KCTD8: variants seen among roughly 807,000 people sequenced by gnomAD.
KCTD8 encodes the protein BTB/POZ domain-containing protein KCTD8.
In KCTD8, 27 loss-of-function variants were observed where a neutral mutation model predicts 31.5. That is an observed-to-expected ratio of 0.86 (90% confidence interval 0.63 to 1.18). The LOEUF (loss-of-function observed/expected upper bound fraction) is 1.18. KCTD8 is among the 50% of genes most tolerant of loss of function. KCTD8 has a pLI of 0.00. For missense variants in KCTD8, 658 were observed against 647.7 expected (o/e 1.02, Z -0.17); for synonymous variants, 290 against 280.0 (o/e 1.04, Z -0.36).
intron 1 of KCTD8, among the ~76,000 whole-genome samples, chr4:44,306,503 C>T (rs1717810065): frequency 6.6e-6 from 1 of 151,824 alleles, no homozygotes; most frequent in South Asian, 2.1e-4. Context: ...ATTCTAGTCT[C>T]CTTAGTTCAT....
intron 1 of KCTD8, among the ~76,000 whole-genome samples, chr4:44,428,851 T>G (rs935318936): frequency 4.0e-5 from 6 of 151,786 alleles, no homozygotes; most frequent in Admixed American, 4.0e-4. Flanking sequence ...GATTAAAAAT[T>G]TTGGGCTTAA....
chr4:44,182,107 G>A (rs543837205), intron 1 of KCTD8, among the ~76,000 whole-genome samples: 70 of 151,234 alleles, frequency 4.6e-4, no homozygotes, highest in South Asian at 3.5e-3. Context: ...CAGCCGCCCC[G>A]TCCGGGAGGA....
At chr4:44,251,032 A>G (rs1332314710) in intron 1 of KCTD8, among the ~76,000 whole-genome samples, 3 of 151,582 alleles carry the variant, frequency 2.0e-5, no homozygotes, top group Non-Finnish European at 4.4e-5. Context: ...TCTTCTTTAC[A>G]TTTATTTCAG....
intron 1 of KCTD8, among the ~76,000 whole-genome samples, chr4:44,209,407 TTTC>T (rs1217044094): frequency 6.6e-6 from 1 of 152,118 alleles, no homozygotes; most frequent in Non-Finnish European, 1.5e-5. Flanking sequence ...AAAGGTCTCC[TTTC>T]TTCTTCTATT....
chr4:44,246,140 A>G (rs1715658659), intron 1 of KCTD8, among the ~76,000 whole-genome samples: 2 of 152,036 alleles, frequency 1.3e-5, no homozygotes, highest in African/African-American at 4.8e-5. Flanking sequence ...AAATCCTTCT[A>G]ATCTATCCTA....
At chr4:44,379,645 T>C (rs1720009293) in intron 1 of KCTD8, among the ~76,000 whole-genome samples, 1 of 152,100 alleles carries the variant, frequency 6.6e-6, no homozygotes, top group South Asian at 2.1e-4. Flanking sequence ...TACTTACAGT[T>C]TACTGTAAAA....
intron 1 of KCTD8, among the ~76,000 whole-genome samples, chr4:44,240,514 T>G (rs1417484258): frequency 2.0e-5 from 3 of 152,172 alleles, no homozygotes. Context: ...GTTTATTTAT[T>G]TATTAGGGAC....
At chr4:44,200,737 G>C (rs570981632) in intron 1 of KCTD8, among the ~76,000 whole-genome samples, 1 of 151,908 alleles carries the variant, frequency 6.6e-6, no homozygotes, top group East Asian at 1.9e-4. Flanking sequence ...TTGCCCTTGA[G>C]ACCTAGAATA....
intron 1 of KCTD8, among the ~76,000 whole-genome samples, chr4:44,197,508 T>A (rs1291431541): frequency 6.6e-6 from 1 of 152,196 alleles, no homozygotes; most frequent in Non-Finnish European, 1.5e-5. Context: ...CTGGCCATCA[T>A]GCTTAAGCAA....
chr4:44,402,003 CTTAA>C (rs1403210325), intron 1 of KCTD8, among the ~76,000 whole-genome samples: 6 of 152,110 alleles, frequency 3.9e-5, no homozygotes, highest in African/African-American at 7.2e-5. Flanking sequence ...TAATAATCTC[CTTAA>C]TTAATTCAAG....
intron 1 of KCTD8, among the ~76,000 whole-genome samples, chr4:44,272,202 A>C (rs1171771313): frequency 1.3e-5 from 2 of 151,046 alleles, no homozygotes; most frequent in Non-Finnish European, 2.9e-5. Flanking sequence ...CAATTTAATA[A>C]GTTTCCATTC....
intron 1 of KCTD8, among the ~76,000 whole-genome samples, chr4:44,234,901 G>C (rs368315458): frequency 6.6e-6 from 1 of 152,238 alleles, no homozygotes; most frequent in Non-Finnish European, 1.5e-5. Context: ...AGGCTCATTT[G>C]TTTCTAATTG....
intron 1 of KCTD8, among the ~76,000 whole-genome samples, chr4:44,379,367 G>A (rs1031082477): frequency 1.3e-5 from 2 of 152,234 alleles, no homozygotes; most frequent in Middle Eastern, 3.4e-3. Context: ...CTAACCTTGT[G>A]AAGTGAACAC....
intron 1 of KCTD8, among the ~76,000 whole-genome samples, chr4:44,320,170 C>CAAA (rs35250421): frequency 0.032 from 1,026 of 31,800 alleles, 177 homozygotes; most frequent in East Asian, 0.082. Context: ...GCCTCCATCT[C>CAAA]AAAAAAAAAA....
chr4:44,346,350 T>C (rs1387352131), intron 1 of KCTD8, among the ~76,000 whole-genome samples: 1 of 152,176 alleles, frequency 6.6e-6, no homozygotes, highest in Non-Finnish European at 1.5e-5. Context: ...AAATCTGTGA[T>C]ATTTTATATC....
At chr4:44,365,272 G>A (rs888985682) in intron 1 of KCTD8, among the ~76,000 whole-genome samples, 4 of 151,970 alleles carry the variant, frequency 2.6e-5, no homozygotes, top group African/African-American at 7.2e-5. Flanking sequence ...AAAAAAAATT[G>A]TGAACGGTTT....
chr4:44,413,719 C>T (rs1008772205), intron 1 of KCTD8, among the ~76,000 whole-genome samples: 2 of 151,852 alleles, frequency 1.3e-5, no homozygotes, highest in African/African-American at 2.4e-5. Context: ...AATGCCCCCC[C>T]AAAAGATGTT....
chr4:44,317,069 G>C (rs1192355023), intron 1 of KCTD8, among the ~76,000 whole-genome samples: 3 of 150,858 alleles, frequency 2.0e-5, no homozygotes, highest in Non-Finnish European at 4.4e-5. Flanking sequence ...GCTGTAATTG[G>C]GCACAGAAGG....
chr4:44,415,935 C>T (rs1282788014), intron 1 of KCTD8, among the ~76,000 whole-genome samples: 1 of 152,200 alleles, frequency 6.6e-6, no homozygotes, highest in East Asian at 1.9e-4. Flanking sequence ...GGGCTGCCAT[C>T]CTCCAGACCT....
Sources: gnomAD v4.1 joint callset for allele counts (sites outside exome capture counted in the v4.1 genomes callset) on GRCh38, gnomAD v4.1.1 for gene constraint, MANE v1.5 for transcripts, NCBI Gene and HGNC (gene_info 2026-07-23, HGNC 2026-07-21) for gene names.